Variants in DNER observed in about 807,000 individuals in gnomAD.
The protein encoded by DNER is delta and Notch-like epidermal growth factor-related receptor.
A neutral mutation model predicts 78.2 loss-of-function variants in DNER; 33 were observed. The observed-to-expected ratio is 0.42, with a 90% CI of 0.32 to 0.56. The LOEUF (loss-of-function observed/expected upper bound fraction) is 0.56. Among genes scored for constraint, DNER ranks in the 20% least tolerant of loss-of-function variants. The pLI is 0.11. For missense variants in DNER, 918 were observed against 975.3 expected (o/e 0.94, Z 0.78); for synonymous variants, 417 against 384.8 (o/e 1.08, Z -0.98).
rs374437507 is a variant in DNER, at chr2:229,526,124, G to T, written c.994-13188C>A. ...ACTTAACATATCTAACTCAAGAGTG[G>T]CAAAAGAATTAGAAAAATTCACCAA... On this transcript the variant is annotated intron_variant, in intron 5 of 12. Coordinates refer to ENST00000341772, the MANE Select transcript of DNER (RefSeq NM_139072.4). 5.4e-4 allele frequency among the ~76,000 whole-genome samples: 82 copies of T among 152,208 alleles called. 2 individuals are homozygous for T. The South Asian group carries it at 0.016, about 30-fold the overall frequency.
At chr2:229,586,098 A>C in intron 3 of DNER, 74 bp from the exon 4 acceptor site, 2 of 1,484,292 alleles carry the variant, frequency 1.3e-6, no homozygotes, top group Admixed American at 4.9e-5. Flanking sequence ...TTCAAATTAA[A>C]AATAAATACA....
In DNER at chr2:229,469,664, C is replaced by T. The variant is rs1042874104; in HGVS notation, c.1261+7476G>A. On this transcript the variant is annotated intron_variant, in intron 7 of 12. Coordinates refer to ENST00000341772, the MANE Select transcript of DNER (RefSeq NM_139072.4). ...TGAATAATAATGTCAAAGTGCTGGC[C>T]GGGCATGGTGGCTCACGCCTGTAAT... is the stretch of plus-strand genomic sequence containing the variant. Among the ~76,000 whole-genome samples, 6 of 152,276 alleles carry T rather than the reference C, an allele frequency of 3.9e-5. No individual in the cohort carries two copies. In the East Asian group the frequency reaches 9.7e-4, roughly 24 times the overall value.
intron 11 of DNER, among the ~76,000 whole-genome samples, chr2:229,368,036 T>C (rs1176973671): frequency 6.6e-6 from 1 of 152,222 alleles, no homozygotes; most frequent in Non-Finnish European, 1.5e-5. Flanking sequence ...ACCATTTTTC[T>C]TTAGATTTTT....
intron 12 of DNER, 61 bp from the exon 13 acceptor site, chr2:229,358,712 C>T: frequency 7.2e-7 from 1 of 1,387,180 alleles, no homozygotes; most frequent in Non-Finnish European, 1.0e-6. Flanking sequence ...TTAATTAAAG[C>T]AAGTGATGAG....
rs1445043608 is a variant in DNER at position 229,584,694 on chromosome 2, GC to G, written c.847+1163del. Reference sequence around the variant, plus strand: ...GCCTGTAATCCCAGCATTTTGGGAGGCCGAGGCGGGTGGATCACGAGGTCAG... The same window carrying G: ...GCCTGTAATCCCAGCATTTTGGGAGGCGAGGCGGGTGGATCACGAGGTCAG... On this transcript the variant is annotated intron_variant, in intron 4 of 12. Coordinates refer to ENST00000341772, the MANE Select transcript of DNER (RefSeq NM_139072.4). Among the ~76,000 whole-genome samples the G allele has an allele frequency of 4.7e-4, 71 of 152,234 alleles. 1 individual carries two copies. The highest frequency in any genetic ancestry group is 4.2e-3 in the South Asian group (20 of 4,812).
At chr2:229,568,112 C>A (rs1447050310) in intron 4 of DNER, among the ~76,000 whole-genome samples, 1 of 145,712 alleles carries the variant, frequency 6.9e-6, no homozygotes, top group Non-Finnish European at 1.5e-5. Flanking sequence ...AAGAAAAAAT[C>A]ATCAAGCATA....
At chr2:229,629,155 T>C (rs542924050) in intron 1 of DNER, among the ~76,000 whole-genome samples, 1 of 152,350 alleles carries the variant, frequency 6.6e-6, no homozygotes, top group African/African-American at 2.4e-5. Context: ...TTTTCCAAGC[T>C]GCAAATTGGC....
At chr2:229,396,849 G>T (rs909792254) in intron 10 of DNER, among the ~76,000 whole-genome samples, 1 of 152,148 alleles carries the variant, frequency 6.6e-6, no homozygotes, top group Admixed American at 6.5e-5. Flanking sequence ...GCAACAAAAA[G>T]TACCTCTGAG....
At chr2:229,359,157 G>A (rs942539292) in intron 12 of DNER, among the ~76,000 whole-genome samples, 1 of 152,126 alleles carries the variant, frequency 6.6e-6, no homozygotes, top group Non-Finnish European at 1.5e-5. Context: ...GCAGAGGTGG[G>A]AAATGACTTC....
At chr2:229,519,709 G>A (rs1696056632) in intron 5 of DNER, among the ~76,000 whole-genome samples, 1 of 152,194 alleles carries the variant, frequency 6.6e-6, no homozygotes, top group Non-Finnish European at 1.5e-5. Context: ...GAAGATGCGT[G>A]TGGGGAGGCC....
intron 4 of DNER, among the ~76,000 whole-genome samples, chr2:229,575,251 T>C (rs1307030968): frequency 5.3e-5 from 8 of 152,150 alleles, no homozygotes; most frequent in Non-Finnish European, 1.0e-4. Context: ...AGTCATATCT[T>C]CAGTTTGCTT....
chr2:229,672,776 G>A (rs572668343), intron 1 of DNER, among the ~76,000 whole-genome samples: 1 of 152,270 alleles, frequency 6.6e-6, no homozygotes, highest in African/African-American at 2.4e-5. Flanking sequence ...TCTCTTCACA[G>A]TAGTCACAAG....
intron 1 of DNER, among the ~76,000 whole-genome samples, chr2:229,603,319 G>A (rs140824620): frequency 0.031 from 4,733 of 152,102 alleles, 221 homozygotes; most frequent in African/African-American, 0.098. Context: ...ATTAAATGAC[G>A]AGTTAATGGG....
chr2:229,529,892 C>T (rs1390894945), intron 5 of DNER, among the ~76,000 whole-genome samples: 1 of 151,988 alleles, frequency 6.6e-6, no homozygotes, highest in Non-Finnish European at 1.5e-5. Context: ...CCGTGTGGTC[C>T]CAGCTGCTCA....
At chr2:229,576,659 G>A (rs1467016617) in intron 4 of DNER, among the ~76,000 whole-genome samples, 2 of 152,128 alleles carry the variant, frequency 1.3e-5, no homozygotes, top group Admixed American at 1.3e-4. Context: ...GGGGGGGAAC[G>A]GAGAACATTC....
At chr2:229,446,519 T>C (rs1197232554) in intron 8 of DNER, among the ~76,000 whole-genome samples, 1 of 152,140 alleles carries the variant, frequency 6.6e-6, no homozygotes, top group East Asian at 1.9e-4. Flanking sequence ...TGGCCAGCCA[T>C]ACTGACTGGC....
chr2:229,690,739 T>C (rs903711918), intron 1 of DNER, among the ~76,000 whole-genome samples: 10 of 152,172 alleles, frequency 6.6e-5, no homozygotes, highest in African/African-American at 2.4e-4. Flanking sequence ...CTGTAAATGA[T>C]GGACCCAATG....
chr2:229,572,866 A>G (rs1477297946), intron 4 of DNER, among the ~76,000 whole-genome samples: 3 of 152,342 alleles, frequency 2.0e-5, no homozygotes, highest in East Asian at 3.9e-4. Context: ...GAACAAGACT[A>G]GGACATGAGA....
At chr2:229,693,741 T>G (rs1699618798) in intron 1 of DNER, among the ~76,000 whole-genome samples, 1 of 152,080 alleles carries the variant, frequency 6.6e-6, no homozygotes, top group South Asian at 2.1e-4. Flanking sequence ...AGAAAGAAAT[T>G]TCTAAGCAGC....
Sources: allele counts gnomAD v4.1 joint callset (sites outside exome capture counted in the v4.1 genomes callset), GRCh38; gene constraint gnomAD v4.1.1; transcripts MANE v1.5; gene names NCBI Gene and HGNC (gene_info 2026-07-23, HGNC 2026-07-21).